Variants in SLAMF6 observed in about 807,000 individuals in gnomAD.
SLAMF6 encodes SLAM family member 6.
In SLAMF6, 21 loss-of-function variants were observed where a neutral mutation model predicts 38.3. That is an observed-to-expected ratio of 0.55 (90% CI 0.39 to 0.79). SLAMF6 has a LOEUF of 0.79. SLAMF6 is among the 30% of genes least tolerant of loss of function. SLAMF6 has a pLI of 0.00. For synonymous variants in SLAMF6, 152 were observed against 146.3 expected, an observed-to-expected ratio of 1.04 and a Z score of -0.28; for missense variants, 341 against 385.3, an observed-to-expected ratio of 0.89 and a Z score of 0.96.
chr1:160,502,525 A>C (rs955434737), intron 1 of SLAMF6, among the ~76,000 whole-genome samples: 5 of 152,176 alleles, frequency 3.3e-5, no homozygotes, highest in Non-Finnish European at 5.9e-5. Context: ...GGTCCAGGGA[A>C]CTCAGTGAAT....
Position 160,487,151 on chromosome 1 carries a change from C to T in SLAMF6, c.904G>A (p.Glu302Lys), listed in dbSNP as rs1167764285. The T allele has an allele frequency of 1.9e-6, 3 of 1,613,234 alleles. No homozygotes were observed. Among genetic ancestry groups the T allele is most frequent in the South Asian group, 1.1e-5 (1 of 90,980 alleles). Residue 302 changes from glutamate (E) to lysine (K), a missense_variant, in exon 7 of 8, where the codon GAA (glutamate) becomes AAA (lysine). Physicochemically the swap from Glu to Lys is moderately conservative, Grantham distance 56. Coordinates refer to ENST00000368057, the MANE Select transcript of SLAMF6 (RefSeq NM_001184714.2). ...GAGTAAATTGTGATAGTATCATTTT[C>T]TCTAGGTGTCCAGATTTCTGTTTCC... ...NRETEIWTPRENDTITIYSTI... is the reference protein window; with the variant it reads ...NRETEIWTPRKNDTITIYSTI...
In SLAMF6 at chr1:160,491,226, G is replaced by A. The variant is rs200103158; in HGVS notation, c.545C>T (p.Ser182Phe). The change falls in exon 3 of 8, where the codon TCC (serine) becomes TTC (phenylalanine). Residue 182 changes from serine to phenylalanine, a missense_variant. Physicochemically the swap from Ser to Phe is radical, Grantham distance 155. Transcript: ENST00000368057. ...TLSSQPNLTVSWDPRISSEQD... is the reference protein window; with the variant it reads ...TLSSQPNLTVFWDPRISSEQD... Reference sequence around the variant, plus strand: ...TTCACTGGAAATCCTGGGGTCCCAGGAGACAGTGAGGTTTGGCTGACTTGA... The same window carrying A: ...TTCACTGGAAATCCTGGGGTCCCAGAAGACAGTGAGGTTTGGCTGACTTGA... 6.2e-7 allele frequency: 1 copy of A among 1,613,952 alleles called. No homozygotes were observed. Among genetic ancestry groups the A allele is most frequent in the African/African-American group, 1.3e-5 (1 of 74,904 alleles).
chr1:160,491,026 G>A, intron 3 of SLAMF6, 99 bp downstream of exon 3: 1 of 1,462,062 alleles, frequency 6.8e-7, no homozygotes, highest in Admixed American at 1.8e-5. Context: ...AGCATTTTCT[G>A]CCTCCCACTG....
chr1:160,513,125 T>C (rs927185057), intron 1 of SLAMF6, among the ~76,000 whole-genome samples: 3 of 152,148 alleles, frequency 2.0e-5, no homozygotes, highest in Non-Finnish European at 4.4e-5. Context: ...GATAAAACAT[T>C]ACAGGAGCTA....
chr1:160,486,647 T>C lies in SLAMF6; in HGVS notation c.*60A>G. On this transcript the variant is annotated 3_prime_UTR_variant, in exon 8 of 8. Coordinates refer to ENST00000368057, the MANE Select transcript of SLAMF6 (RefSeq NM_001184714.2). ...AGGAACCAAGCTTCCTGTTCTTTGT[T>C]CTGTCTCATGGGATCAGAAGACGTG... 1 of 1,517,296 alleles carries C rather than the reference T, an allele frequency of 6.6e-7. No individual in the cohort carries two copies. The highest frequency in any genetic ancestry group is 9.1e-7 in the Non-Finnish European group (1 of 1,093,198). The allele number at this position is 1,517,296 out of a possible 1,614,324, so 94.0% of individuals were successfully genotyped here.
At chr1:160,517,685 G>T (rs1485986033) in intron 1 of SLAMF6, among the ~76,000 whole-genome samples, 1 of 152,208 alleles carries the variant, frequency 6.6e-6, no homozygotes, top group Non-Finnish European at 1.5e-5. Flanking sequence ...CAAAAGGAAT[G>T]AGATCATGTC....
chr1:160,501,294 A>G (rs1304835559), intron 1 of SLAMF6, among the ~76,000 whole-genome samples: 2 of 152,172 alleles, frequency 1.3e-5, no homozygotes, highest in African/African-American at 4.8e-5. Context: ...CAGGTAAATG[A>G]GTAGTTAGTT....
chr1:160,487,281 T>G (rs897152252), intron 6 of SLAMF6, 106 bp from the exon 7 acceptor site: 2 of 1,013,712 alleles, frequency 2.0e-6, no homozygotes, highest in Non-Finnish European at 2.9e-6. Context: ...TATGTCAAAG[T>G]TCTTCCAGAG....
chr1:160,485,153 C>T lies in SLAMF6; in HGVS notation c.*1554G>A, dbSNP rs12144359. 28,939 of 151,960 alleles carry T rather than the reference C, an allele frequency of 0.19. 2,941 individuals are homozygous for T. The highest frequency in any genetic ancestry group is 0.27 in the Admixed American group (4,054 of 15,240). 9.4% of individuals were successfully genotyped at this position (151,960 alleles called of 1,614,324 possible). ...GGAACCTCCACCTCCTGGGTTCAAG[C>T]GATTCTCCTGCCTCAGTCTCTCAAG... On this transcript the variant is annotated 3_prime_UTR_variant, in exon 8 of 8. Coordinates refer to ENST00000368057, the MANE Select transcript of SLAMF6 (RefSeq NM_001184714.2).
At chr1:160,510,353 A>G (rs1180391851) in intron 1 of SLAMF6, among the ~76,000 whole-genome samples, 1 of 152,108 alleles carries the variant, frequency 6.6e-6, no homozygotes, top group Non-Finnish European at 1.5e-5. Flanking sequence ...CAGAATACTA[A>G]CAAACTGAAT....
intron 2 of SLAMF6, among the ~76,000 whole-genome samples, chr1:160,495,633 G>A (rs1310095909): frequency 6.6e-5 from 10 of 152,210 alleles, no homozygotes; most frequent in African/African-American, 2.4e-4. Flanking sequence ...AGGTAGTTAT[G>A]TGGGAAGTGC....
intron 1 of SLAMF6, among the ~76,000 whole-genome samples, chr1:160,502,202 A>C (rs573014776): frequency 1.4e-3 from 210 of 152,300 alleles, no homozygotes; most frequent in Non-Finnish European, 2.6e-3. Context: ...GGGCATCTAA[A>C]TGGCTCTGCT....
chr1:160,496,311 A>C lies in SLAMF6; in HGVS notation c.132T>G (p.Phe44Leu), dbSNP rs988236732. Residue 44 changes from phenylalanine to leucine, a missense_variant, in exon 2 of 8, where the codon TTT becomes TTG. Phe to Leu is a conservative substitution (Grantham distance 22). Transcript: ENST00000368057. ...LGESVTLPLEFPAGEKVNFIT... is the reference protein window; with the variant it reads ...LGESVTLPLELPAGEKVNFIT... The stretch of plus-strand genomic sequence containing the variant: ...TGAAGTTGACCTTCTCTCCTGCAGG[A>C]AACTCCAGGGGAAGAGTTACTGACT... 1 of 1,613,910 alleles carries C rather than the reference A, an allele frequency of 6.2e-7. No individual in the cohort carries two copies. Among genetic ancestry groups the C allele is most frequent in the Non-Finnish European group, 8.5e-7 (1 of 1,179,928 alleles).
At chr1:160,512,969 T>C (rs1230640103) in intron 1 of SLAMF6, among the ~76,000 whole-genome samples, 1 of 152,102 alleles carries the variant, frequency 6.6e-6, no homozygotes, top group Non-Finnish European at 1.5e-5. Flanking sequence ...TCCAAATGAT[T>C]GTAACACCTC....
At chr1:160,504,944 T>G (rs976015019) in intron 1 of SLAMF6, among the ~76,000 whole-genome samples, 2 of 152,230 alleles carry the variant, frequency 1.3e-5, no homozygotes, top group Non-Finnish European at 2.9e-5. Flanking sequence ...AAGAAGAAAG[T>G]CAAGGCTAAC....
intron 2 of SLAMF6, among the ~76,000 whole-genome samples, chr1:160,494,018 G>C (rs1323919211): frequency 6.6e-6 from 1 of 152,092 alleles, no homozygotes; most frequent in Admixed American, 6.5e-5. Flanking sequence ...ATGAGATTTG[G>C]GTGGGGACAC....
intron 1 of SLAMF6, among the ~76,000 whole-genome samples, chr1:160,512,636 G>A (rs943443298): frequency 8.5e-5 from 13 of 152,110 alleles, no homozygotes; most frequent in African/African-American, 2.7e-4. Flanking sequence ...CCTCTTGGAC[G>A]GAGCTCCCAG....
At chr1:160,490,350 C>A in intron 4 of SLAMF6, 114 bp from the exon 5 acceptor site, 2 of 1,522,474 alleles carry the variant, frequency 1.3e-6, no homozygotes, top group South Asian at 1.2e-5. Context: ...GAAGGGCAAG[C>A]AGCCCTGAGA....
At chr1:160,507,733 A>G (rs539960948) in intron 1 of SLAMF6, among the ~76,000 whole-genome samples, 141 of 152,294 alleles carry the variant, frequency 9.3e-4, no homozygotes, top group African/African-American at 3.3e-3. Flanking sequence ...CAAGAACAGA[A>G]GGAGAATTGG....
Sources: gnomAD v4.1 joint callset for allele counts (sites outside exome capture counted in the v4.1 genomes callset) on GRCh38, gnomAD v4.1.1 for gene constraint, MANE v1.5 for transcripts, NCBI Gene and HGNC (gene_info 2026-07-23, HGNC 2026-07-21) for gene names.